Variants in COL6A5 observed in about 807,000 individuals in gnomAD.
COL6A5 encodes the protein collagen type VI alpha 5 chain.
COL6A5 carries 48 observed loss-of-function variants against 65.6 expected under a neutral mutation model. The observed-to-expected ratio is 0.73, with a 90% confidence interval of 0.58 to 0.93. The LOEUF (loss-of-function observed/expected upper bound fraction) is 0.93, where lower values mean the gene tolerates loss of function less well. COL6A5 is among the 40% of genes least tolerant of loss of function. The pLI is 0.00. For missense variants in COL6A5, 914 were observed against 928.3 expected, an observed-to-expected ratio of 0.98 and a Z score of 0.20; for synonymous variants, 291 against 322.8, an observed-to-expected ratio of 0.90 and a Z score of 1.05.
Position 130,346,082 on chromosome 3 carries a change from C to A in COL6A5, c.-29+101C>A, listed in dbSNP as rs1577411233. ...AAGGATTCTCCTTTCTGGTGATTTG[C>A]ACCTGTTGACGCCCCCAAATCTGAG... On this transcript the variant is annotated intron_variant and NMD_transcript_variant, in intron 1 of 41. Transcript: ENST00000312481. 1.5e-5 allele frequency: 6 copies of A among 397,888 alleles called. No homozygotes were observed. The East Asian group carries it at 2.1e-4, about 14-fold the overall frequency. The allele number at this position is 397,888 out of a possible 1,614,324, so 24.6% of individuals were successfully genotyped here.
chr3:130,346,924 A>G (rs1004086199), intron 1 of COL6A5, among the ~76,000 whole-genome samples: 9 of 152,210 alleles, frequency 5.9e-5, no homozygotes, highest in Admixed American at 5.9e-4. Flanking sequence ...TTACAGTGCT[A>G]CAATTTACCA....
chr3:130,354,768 T>C (rs1432922677), intron 1 of COL6A5, among the ~76,000 whole-genome samples: 1 of 152,186 alleles, frequency 6.6e-6, no homozygotes, highest in Non-Finnish European at 1.5e-5. Context: ...TGGAAGGCCA[T>C]GGGCTAAGGA....
intron 1 of COL6A5, among the ~76,000 whole-genome samples, chr3:130,438,645 C>G (rs1427914763): frequency 1.3e-5 from 2 of 152,100 alleles, no homozygotes; most frequent in African/African-American, 4.8e-5. Context: ...TACAGAAAAA[C>G]AGAGGGTTTG....
chr3:130,386,683 T>G (rs1232013260), intron 5 of COL6A5, among the ~76,000 whole-genome samples: 1 of 152,008 alleles, frequency 6.6e-6, no homozygotes, highest in African/African-American at 2.4e-5. Context: ...GTAGGTTGTA[T>G]CTCAGATCCT....
chr3:130,358,834 T>A (rs1190559252), intron 1 of COL6A5, among the ~76,000 whole-genome samples: 1 of 152,192 alleles, frequency 6.6e-6, no homozygotes, highest in South Asian at 2.1e-4. Flanking sequence ...TAGTAAGTGA[T>A]CCTTTAGAAA....
intron 29 of COL6A5, 32 bp downstream of exon 29, chr3:130,423,932 T>G (rs1435861283): frequency 1.3e-6 from 2 of 1,482,244 alleles, no homozygotes; most frequent in South Asian, 2.5e-5. Flanking sequence ...AAATAGGATA[T>G]AGTAGTTTCC....
At position 130,362,252 on chromosome 3, in the gene COL6A5, T is replaced by TCTCTCTCTCTCTCTC. The variant is rs1935135834; in HGVS notation, c.-28-11359_-28-11358insCTCTCTCTCTCTCTC. Among the ~76,000 whole-genome samples, 18 of 114,350 alleles carry TCTCTCTCTCTCTCTC rather than the reference T, an allele frequency of 1.6e-4. No individual in the cohort carries two copies. The South Asian group carries it at 4.7e-3, about 30-fold the overall frequency. 75.0% of individuals were successfully genotyped at this position (114,350 alleles called of 152,430 possible). A position where few individuals can be genotyped will look rare whatever the true frequency, so the allele number is the denominator to read the frequency against. On this transcript the variant is annotated intron_variant and NMD_transcript_variant, in intron 1 of 41. Transcript: ENST00000312481. ...TTTTTGGGAAGGGTGTAAGGTTTCT[T>TCTCTCTCTCTCTCTC]TCTCTCTCTCTCTCTCTCTTTGTCT...
Position 130,421,321 on chromosome 3 carries a change from A to G in COL6A5, c.5002-4A>G, listed in dbSNP as rs183188887. 46 of 1,550,816 alleles carry G rather than the reference A, an allele frequency of 3.0e-5. No individual in the cohort carries two copies. In the Admixed American group the frequency reaches 8.6e-4, roughly 29 times the overall value. ...GTATTTATGTTCTGTGCTGAAAATTATAGGGCCCAAGAGGATTCCCTGGAG... is the reference window on the plus strand; with the variant it reads ...GTATTTATGTTCTGTGCTGAAAATTGTAGGGCCCAAGAGGATTCCCTGGAG... On this transcript the variant is annotated splice_polypyrimidine_tract_variant and splice_region_variant and intron_variant and NMD_transcript_variant, in intron 26 of 41. Coordinates refer to the COL6A5 transcript ENST00000312481.
At chr3:130,473,575 T>C (rs73868685) in intron 7 of COL6A5, among the ~76,000 whole-genome samples, 1,833 of 152,168 alleles carry the variant, frequency 0.012, 38 homozygotes, top group African/African-American at 0.041. Context: ...CATGATTAAC[T>C]CAGTATACCA....
intron 25 of COL6A5, 33 bp from the exon 26 acceptor site, chr3:130,421,120 G>A (rs1320541942): frequency 6.5e-7 from 1 of 1,542,742 alleles, no homozygotes; most frequent in Admixed American, 2.0e-5. Context: ...TTCCACCTTT[G>A]AGAAATTGAA....
chr3:130,429,410 T>A (rs1937700394), upstream of COL6A5, among the ~76,000 whole-genome samples: 1 of 152,230 alleles, frequency 6.6e-6, no homozygotes, highest in Non-Finnish European at 1.5e-5. Flanking sequence ...TCTGTTGACA[T>A]CTTCCTCAAT....
intron 7 of COL6A5, among the ~76,000 whole-genome samples, chr3:130,394,258 A>C (rs1449459494): frequency 6.6e-6 from 1 of 152,182 alleles, no homozygotes; most frequent in African/African-American, 2.4e-5. Context: ...GCAGAAAAAA[A>C]GTGCTAAATT....
chr3:130,461,858 A>G (rs1417117448), intron 5 of COL6A5, among the ~76,000 whole-genome samples: 1 of 151,890 alleles, frequency 6.6e-6, no homozygotes, highest in African/African-American at 2.4e-5. Context: ...ATCCGAGGTC[A>G]TTTGGGTGTA....
intron 7 of COL6A5, 107 bp downstream of exon 39, chr3:130,471,074 TTGTGTGTGTGTG>T (rs34150957): frequency 7.2e-6 from 4 of 553,408 alleles, no homozygotes; most frequent in Admixed American, 5.3e-5. Flanking sequence ...GTGTGTGTTT[TTGTGTGTGTGTG>T]TGTGTGTGTG....
chr3:130,394,221 G>A (rs1223261332), intron 7 of COL6A5, among the ~76,000 whole-genome samples: 1 of 152,094 alleles, frequency 6.6e-6, no homozygotes, highest in Non-Finnish European at 1.5e-5. Context: ...TAACATTTGA[G>A]TCATGATATT....
intron 1 of COL6A5, among the ~76,000 whole-genome samples, chr3:130,432,777 G>A (rs1433605959): frequency 6.6e-6 from 1 of 152,046 alleles, no homozygotes; most frequent in African/African-American, 2.4e-5. Context: ...AAGTTCAGGG[G>A]ATCTTTGAAC....
intron 10 of COL6A5, among the ~76,000 whole-genome samples, chr3:130,400,419 C>T (rs1936776782): frequency 6.6e-6 from 1 of 152,074 alleles, no homozygotes; most frequent in Non-Finnish European, 1.5e-5. Context: ...ATAATAGGCT[C>T]CTATTAATAA....
chr3:130,379,604 CTATT>C, exon 4 of COL6A5: 1 of 1,551,424 alleles, frequency 6.4e-7, no homozygotes, highest in Non-Finnish European at 8.7e-7. Flanking sequence ...AGTGCCAAGA[CTATT>C]TCTTTTCTTA....
At chr3:130,454,335 A>T (rs1253004465) in intron 4 of COL6A5, among the ~76,000 whole-genome samples, 1 of 152,226 alleles carries the variant, frequency 6.6e-6, no homozygotes. Flanking sequence ...ACATGATGAC[A>T]TGATTCTCCA....
Sources: allele counts gnomAD v4.1 joint callset (sites outside exome capture counted in the v4.1 genomes callset), GRCh38; gene constraint gnomAD v4.1.1; transcripts MANE v1.5; gene names NCBI Gene and HGNC (gene_info 2026-07-23, HGNC 2026-07-21).